The following BANK1 variants were observed in gnomAD, a reference collection of about 807,000 sequenced individuals.
BANK1 encodes B-cell scaffold protein with ankyrin repeats.
A neutral mutation model predicts 94.5 loss-of-function variants in BANK1; 95 were observed. That is an observed-to-expected ratio of 1.00 (90% CI 0.85 to 1.19). BANK1 has a LOEUF of 1.19. BANK1 is among the 50% of genes most tolerant of loss of function. The pLI is 0.00. For missense variants in BANK1, 987 were observed against 932.2 expected, an observed-to-expected ratio of 1.06 and a Z score of -0.77; for synonymous variants, 334 against 308.4, an observed-to-expected ratio of 1.08 and a Z score of -0.87.
At chr4:101,931,623 A>G (rs968040525) in intron 7 of BANK1, among the ~76,000 whole-genome samples, 1 of 151,600 alleles carries the variant, frequency 6.6e-6, no homozygotes, top group Non-Finnish European at 1.5e-5. Context: ...TAACATATGT[A>G]CATCCTATTG....
chr4:101,925,434 T>G (rs564983677), intron 7 of BANK1, among the ~76,000 whole-genome samples: 1 of 151,874 alleles, frequency 6.6e-6, no homozygotes, highest in East Asian at 1.9e-4. Flanking sequence ...CAGTAGGTAA[T>G]GATTTTTATG....
chr4:101,878,189 C>G (rs1728559130), intron 5 of BANK1, among the ~76,000 whole-genome samples: 1 of 151,822 alleles, frequency 6.6e-6, no homozygotes, highest in African/African-American at 2.4e-5. Flanking sequence ...AAAAAAAAGA[C>G]CTAGTGATCT....
chr4:101,896,012 T>C (rs576340315), intron 6 of BANK1, among the ~76,000 whole-genome samples: 6 of 151,918 alleles, frequency 3.9e-5, no homozygotes, highest in East Asian at 1.9e-4. Context: ...ACAGTAGTTA[T>C]GTTTGGGTTG....
In BANK1 at chr4:102,021,519, A is replaced by G. The variant is rs1299129494; in HGVS notation, c.1212A>G (p.Gln404=). 1 of 1,426,904 alleles carries G rather than the reference A, an allele frequency of 7.0e-7. No homozygotes were observed. The highest frequency in any genetic ancestry group is 9.5e-7 in the Non-Finnish European group (1 of 1,051,054). The allele number at this position is 1,426,904 out of a possible 1,614,324, so 88.4% of individuals were successfully genotyped here. ...LKKIFEDFSI[Q]EIDINNEQEN... is the part of the protein sequence containing the mutation. ...AAAAATTACATTTTTTTCAGATCCA[A>G]GAAATTGACATAAATAATGAGCAAG... Residue 404 remains glutamine (Q), a synonymous_variant, in exon 8 of 17, where the codon CAA becomes CAG. Coordinates refer to ENST00000322953, the MANE Select transcript of BANK1 (RefSeq NM_017935.5).
chr4:101,864,355 A>G (rs1209255736), intron 4 of BANK1, among the ~76,000 whole-genome samples: 2 of 152,162 alleles, frequency 1.3e-5, no homozygotes, highest in Non-Finnish European at 2.9e-5. Context: ...TTTGAACCCT[A>G]CTAAGAACAA....
intron 5 of BANK1, among the ~76,000 whole-genome samples, chr4:101,876,392 G>A (rs775836353): frequency 6.6e-6 from 1 of 152,226 alleles, no homozygotes; most frequent in Non-Finnish European, 1.5e-5. Context: ...TAAGGGAAGA[G>A]AATAAGAGTC....
chr4:101,968,808 A>G (rs925503398), intron 7 of BANK1, among the ~76,000 whole-genome samples: 1 of 152,122 alleles, frequency 6.6e-6, no homozygotes, highest in Non-Finnish European at 1.5e-5. Context: ...AAATCCAAAC[A>G]AATAGATACC....
chr4:101,976,625 A>G (rs1026870579), intron 7 of BANK1, among the ~76,000 whole-genome samples: 4 of 152,122 alleles, frequency 2.6e-5, no homozygotes, highest in South Asian at 4.1e-4. Context: ...TAAACATCAT[A>G]TTTTAATTTG....
chr4:101,905,636 A>G (rs1309640615), intron 6 of BANK1, among the ~76,000 whole-genome samples: 1 of 152,082 alleles, frequency 6.6e-6, no homozygotes, highest in Non-Finnish European at 1.5e-5. Flanking sequence ...GAAATGGGGT[A>G]TTTCCTTTAT....
chr4:101,793,131 C>G (rs1038144917), intron 1 of BANK1, among the ~76,000 whole-genome samples: 2 of 152,092 alleles, frequency 1.3e-5, no homozygotes, highest in Admixed American at 1.3e-4. Context: ...AAATGATTTG[C>G]TTAAGAACAG....
At chr4:101,927,838 G>A (rs751941304) in intron 7 of BANK1, among the ~76,000 whole-genome samples, 18 of 151,648 alleles carry the variant, frequency 1.2e-4, no homozygotes, top group Non-Finnish European at 1.8e-4. Flanking sequence ...ATGTTCCAAA[G>A]TTTGGAAGTA....
chr4:102,033,573 C>T lies in BANK1; in HGVS notation c.1900+3308C>T, dbSNP rs185504542. Among the ~76,000 whole-genome samples the T allele has an allele frequency of 1.5e-3, 223 of 152,266 alleles. 6 individuals are homozygous for T. Among genetic ancestry groups the T allele is most frequent in the Admixed American group, 6.1e-3 (94 of 15,302 alleles). Reference sequence around the variant, plus strand: ...AATTTGTCCTGTAGGTATATGCACACGTAGAAACATTAAAGAATCTTAAAG... The same window carrying T: ...AATTTGTCCTGTAGGTATATGCACATGTAGAAACATTAAAGAATCTTAAAG... On this transcript the variant is annotated intron_variant, in intron 10 of 16. Coordinates refer to ENST00000322953, the MANE Select transcript of BANK1 (RefSeq NM_017935.5).
chr4:102,006,876 A>G (rs775541256), intron 7 of BANK1, among the ~76,000 whole-genome samples: 1 of 150,482 alleles, frequency 6.6e-6, no homozygotes, highest in African/African-American at 2.4e-5. Flanking sequence ...ATCATGCCAC[A>G]TGTGTCTCAT....
chr4:101,805,593 G>A (rs1467620492), intron 1 of BANK1, among the ~76,000 whole-genome samples: 2 of 149,276 alleles, frequency 1.3e-5, no homozygotes, highest in Non-Finnish European at 3.0e-5. Flanking sequence ...TTTATTATTT[G>A]TATAATAATA....
chr4:101,843,559 C>T (rs1465683817), intron 2 of BANK1, among the ~76,000 whole-genome samples: 1 of 152,154 alleles, frequency 6.6e-6, no homozygotes, highest in Non-Finnish European at 1.5e-5. Context: ...GATGCTTTGT[C>T]CATCAACCAG....
chr4:101,801,899 C>T (rs898993270), intron 1 of BANK1, among the ~76,000 whole-genome samples: 2 of 152,182 alleles, frequency 1.3e-5, no homozygotes, highest in African/African-American at 2.4e-5. Flanking sequence ...GTCAAATATA[C>T]TTTTCTTTCA....
intron 7 of BANK1, among the ~76,000 whole-genome samples, chr4:101,949,910 A>G (rs1355480054): frequency 1.3e-5 from 2 of 152,174 alleles, no homozygotes; most frequent in Non-Finnish European, 2.9e-5. Context: ...AATATAACCC[A>G]TAGGAGAAGC....
At position 102,024,638 on chromosome 4, in the gene BANK1, C is replaced by CA. The variant is rs992660240; in HGVS notation, c.1286-554dup. The stretch of plus-strand genomic sequence containing the variant: ...TTGGTGATTTACATGCCTTTTTCAC[C>CA]AAAAAAAAATTAACTTTTCCCAAGT... On this transcript the variant is annotated intron_variant, in intron 8 of 16. Coordinates refer to ENST00000322953, the MANE Select transcript of BANK1 (RefSeq NM_017935.5). 9.2e-4 allele frequency among the ~76,000 whole-genome samples: 137 copies of CA among 149,108 alleles called. 1 individual carries two copies. The highest frequency in any genetic ancestry group is 4.1e-3 in the South Asian group (19 of 4,688).
intron 7 of BANK1, among the ~76,000 whole-genome samples, chr4:102,000,103 C>A (rs1726010240): frequency 6.6e-6 from 1 of 151,992 alleles, no homozygotes; most frequent in Non-Finnish European, 1.5e-5. Flanking sequence ...ACAGGCCGAT[C>A]ATCTGAGGTC....
Sources: gnomAD v4.1 joint callset for allele counts (sites outside exome capture counted in the v4.1 genomes callset) on GRCh38, gnomAD v4.1.1 for gene constraint, MANE v1.5 for transcripts, NCBI Gene and HGNC (gene_info 2026-07-23, HGNC 2026-07-21) for gene names.